The following EPHA5 variants were observed in gnomAD, a reference collection of about 807,000 sequenced individuals.
EPHA5 encodes ephrin type-A receptor 5.
Under a neutral mutation model 105.0 loss-of-function variants are expected in EPHA5, and 60 were observed. The observed-to-expected ratio is 0.57, with a 90% CI of 0.46 to 0.71. The LOEUF (loss-of-function observed/expected upper bound fraction) is 0.71, where lower values mean the gene tolerates loss of function less well. Ranked by LOEUF, EPHA5 falls within the 30% of genes least tolerant of loss-of-function variation. EPHA5 has a pLI of 0.00. For synonymous variants in EPHA5, 513 were observed against 449.1 expected (o/e 1.14, Z -1.80); for missense variants, 1,218 against 1,274.7 (o/e 0.96, Z 0.68).
At chr4:65,426,863 A>T (rs1023921260) in intron 5 of EPHA5, among the ~76,000 whole-genome samples, 4 of 152,112 alleles carry the variant, frequency 2.6e-5, no homozygotes, top group Non-Finnish European at 4.4e-5. Context: ...GGCACAGCAC[A>T]ATATAGGTAG....
chr4:65,460,101 C>G (rs1255137645), intron 5 of EPHA5, among the ~76,000 whole-genome samples: 3 of 151,140 alleles, frequency 2.0e-5, no homozygotes, highest in Admixed American at 1.3e-4. Context: ...CTGTTGTAAT[C>G]TAATGTAAAG....
intron 2 of EPHA5, among the ~76,000 whole-genome samples, chr4:65,632,852 G>A (rs1746776148): frequency 6.6e-6 from 1 of 152,072 alleles, no homozygotes; most frequent in East Asian, 1.9e-4. Context: ...AACTTGAGCT[G>A]TACCTTGAAA....
intron 14 of EPHA5, among the ~76,000 whole-genome samples, chr4:65,336,371 C>A (rs1282331718): frequency 6.6e-6 from 1 of 151,862 alleles, no homozygotes; most frequent in Non-Finnish European, 1.5e-5. Context: ...AAATGGTAAT[C>A]ATTTTTTCTT....
chr4:65,608,797 A>T (rs1744486226), intron 2 of EPHA5, among the ~76,000 whole-genome samples: 1 of 152,222 alleles, frequency 6.6e-6, no homozygotes, highest in Non-Finnish European at 1.5e-5. Flanking sequence ...GCAGATGAGT[A>T]AACTGAGGCC....
chr4:65,563,861 T>C (rs13143448), intron 3 of EPHA5, among the ~76,000 whole-genome samples: 6,711 of 152,062 alleles, frequency 0.044, 200 homozygotes, highest in South Asian at 0.092. Flanking sequence ...ATGACATCAA[T>C]AGTATGTGTT....
intron 2 of EPHA5, among the ~76,000 whole-genome samples, chr4:65,629,745 C>A (rs917241245): frequency 6.6e-6 from 1 of 152,044 alleles, no homozygotes; most frequent in Non-Finnish European, 1.5e-5. Context: ...GTGATGGCTG[C>A]CAACATCTAC....
chr4:65,470,810 A>C (rs1729213034), intron 5 of EPHA5, among the ~76,000 whole-genome samples: 1 of 152,186 alleles, frequency 6.6e-6, no homozygotes, highest in Non-Finnish European at 1.5e-5. Flanking sequence ...AAAGCAAACT[A>C]AATATGGCCT....
chr4:65,456,439 C>A (rs1047633400), intron 5 of EPHA5, among the ~76,000 whole-genome samples: 2 of 151,746 alleles, frequency 1.3e-5, no homozygotes, highest in Admixed American at 6.6e-5. Flanking sequence ...TTGTTAAAGA[C>A]CAATAAGAAG....
chr4:65,553,807 C>A (rs1578408291), intron 3 of EPHA5, among the ~76,000 whole-genome samples: 1 of 151,986 alleles, frequency 6.6e-6, no homozygotes, highest in East Asian at 1.9e-4. Context: ...GAGAGAGTCA[C>A]AGTTGCCTAA....
chr4:65,635,808 T>C (rs1747069759), intron 2 of EPHA5, among the ~76,000 whole-genome samples: 1 of 152,130 alleles, frequency 6.6e-6, no homozygotes, highest in Non-Finnish European at 1.5e-5. Flanking sequence ...ACAACTCTAA[T>C]GTAATTAGAA....
At chr4:65,485,954 T>G (rs1476750553) in intron 5 of EPHA5, among the ~76,000 whole-genome samples, 1 of 152,088 alleles carries the variant, frequency 6.6e-6, no homozygotes, top group Non-Finnish European at 1.5e-5. Flanking sequence ...AAACTCCTTT[T>G]CAAAAGAAAT....
chr4:65,470,455 G>A (rs1172617059), intron 5 of EPHA5, among the ~76,000 whole-genome samples: 2 of 152,064 alleles, frequency 1.3e-5, no homozygotes, highest in Non-Finnish European at 2.9e-5. Context: ...GCCACCCAAA[G>A]TACTGGCATT....
At chr4:65,574,731 C>CATATATATAT (rs201831887) in intron 3 of EPHA5, among the ~76,000 whole-genome samples, 2 of 85,600 alleles carry the variant, frequency 2.3e-5, no homozygotes, top group African/African-American at 5.8e-5. Context: ...CATATATATA[C>CATATATATAT]ATATATATAT....
At chr4:65,359,957 CA>C (rs1341155588) in intron 11 of EPHA5, among the ~76,000 whole-genome samples, 2 of 151,504 alleles carry the variant, frequency 1.3e-5, no homozygotes, top group East Asian at 3.9e-4. Flanking sequence ...AAATTCTTAC[CA>C]AAGACTCCTC....
chr4:65,662,178 T>C (rs534421354), intron 1 of EPHA5, among the ~76,000 whole-genome samples: 1 of 151,888 alleles, frequency 6.6e-6, no homozygotes, highest in East Asian at 1.9e-4. Flanking sequence ...GAGTGTAAAA[T>C]TAATATAAGA....
At chr4:65,343,277 G>A (rs188039512) in intron 14 of EPHA5, among the ~76,000 whole-genome samples, 39 of 152,164 alleles carry the variant, frequency 2.6e-4, no homozygotes, top group African/African-American at 8.9e-4. Flanking sequence ...AGAGTTCATG[G>A]TCTGGTATTT....
At chr4:65,351,265 C>T (rs573420024) in intron 13 of EPHA5, 124 bp downstream of exon 13, 3 of 825,136 alleles carry the variant, frequency 3.6e-6, no homozygotes, top group Admixed American at 5.4e-5. Flanking sequence ...CTCCCTCTCC[C>T]CCTCATTCTC....
At chr4:65,461,307 G>T (rs1728100544) in intron 5 of EPHA5, among the ~76,000 whole-genome samples, 1 of 151,886 alleles carries the variant, frequency 6.6e-6, no homozygotes, top group African/African-American at 2.4e-5. Context: ...CAATCTTGAT[G>T]TTCTTGTTTG....
At chr4:65,387,881 T>C (rs1318234093) in intron 8 of EPHA5, among the ~76,000 whole-genome samples, 3 of 151,240 alleles carry the variant, frequency 2.0e-5, no homozygotes, top group African/African-American at 7.3e-5. Context: ...GTTAGTTACA[T>C]ATGTATACAT....
Sources: allele counts gnomAD v4.1 joint callset (sites outside exome capture counted in the v4.1 genomes callset), GRCh38; gene constraint gnomAD v4.1.1; transcripts MANE v1.5; gene names NCBI Gene and HGNC (gene_info 2026-07-23, HGNC 2026-07-21).